The following INO80 variants were observed in gnomAD, a reference collection of about 807,000 sequenced individuals.
INO80 encodes the protein INO80 complex ATPase subunit, also known as chromatin-remodeling ATPase INO80.
Under a neutral mutation model 203.4 loss-of-function variants are expected in INO80, and 20 were observed. The observed-to-expected ratio is 0.10, with a 90% confidence interval of 0.07 to 0.14. The LOEUF (loss-of-function observed/expected upper bound fraction) is 0.14, where lower values mean the gene tolerates loss of function less well. Ranked by LOEUF, INO80 falls within the 10% of genes least tolerant of loss-of-function variation. The pLI is 1.00. For synonymous variants in INO80, 726 were observed against 685.2 expected (o/e 1.06, Z -0.93); for missense variants, 1,419 against 1,914.4 (o/e 0.74, Z 4.83).
chr15:41,075,233 A>G (rs1008789209), intron 9 of INO80, among the ~76,000 whole-genome samples: 6 of 151,908 alleles, frequency 3.9e-5, no homozygotes, highest in Admixed American at 3.9e-4. Context: ...ATGTCTATGT[A>G]GCTTTATTAT....
intron 33 of INO80, 128 bp downstream of exon 33, chr15:40,984,069 C>A: frequency 7.5e-7 from 1 of 1,328,844 alleles, no homozygotes; most frequent in Non-Finnish European, 1.0e-6. Flanking sequence ...TTACAGACCT[C>A]ATGTGCAACC....
intron 1 of INO80, among the ~76,000 whole-genome samples, chr15:41,111,770 T>C (rs1243626143): frequency 2.7e-5 from 4 of 150,720 alleles, no homozygotes; most frequent in African/African-American, 9.8e-5. Flanking sequence ...GCCACTGTAC[T>C]CCAGCCTGGG....
chr15:41,065,875 G>A lies in INO80; in HGVS notation c.1782+3695C>T, dbSNP rs76109590. ...GGCTACAGCACAAGGTGAATAGAAC[G>A]TGATTGCTTAGTGGGTAAAGGCCTT... On this transcript the variant is annotated intron_variant, in intron 14 of 35. Transcript: ENST00000648947. 2.2e-4 allele frequency among the ~76,000 whole-genome samples: 34 copies of A among 152,186 alleles called. No individual in the cohort carries two copies. In the East Asian group the frequency reaches 5.0e-3, roughly 22 times the overall value.
chr15:41,090,141 T>G (rs563832587), intron 5 of INO80, among the ~76,000 whole-genome samples: 4 of 152,268 alleles, frequency 2.6e-5, no homozygotes, highest in East Asian at 3.9e-4. Flanking sequence ...ATATTTGCAA[T>G]AAGAAGAAAT....
At chr15:40,986,971 G>A (rs964218066) in intron 31 of INO80, 120 bp downstream of exon 31, 1 of 568,762 alleles carries the variant, frequency 1.8e-6, no homozygotes, top group South Asian at 2.4e-5. Context: ...TATAAAATAT[G>A]AGCACAAAAA....
intron 27 of INO80, among the ~76,000 whole-genome samples, chr15:41,008,879 G>T (rs2044090854): frequency 6.6e-6 from 1 of 152,138 alleles, no homozygotes; most frequent in African/African-American, 2.4e-5. Context: ...TGTTGCCCAG[G>T]CTGGAGCGCA....
At chr15:41,091,293 C>T (rs2045637282) in intron 5 of INO80, among the ~76,000 whole-genome samples, 1 of 152,186 alleles carries the variant, frequency 6.6e-6, no homozygotes, top group African/African-American at 2.4e-5. Flanking sequence ...CTCCTGACCT[C>T]AACTGATCTG....
intron 14 of INO80, among the ~76,000 whole-genome samples, chr15:41,061,416 C>G (rs1355034079): frequency 7.0e-6 from 1 of 143,648 alleles, no homozygotes; most frequent in African/African-American, 2.7e-5. Context: ...ACCACCCTGG[C>G]CAACATGGTG....
At chr15:41,073,244 ACTAAT>A (rs759282241) in intron 11 of INO80, among the ~76,000 whole-genome samples, 179 bp downstream of exon 11, 22 of 152,116 alleles carry the variant, frequency 1.4e-4, no homozygotes, top group Admixed American at 9.2e-4. Flanking sequence ...TAGTATCCCT[ACTAAT>A]CTAAAGTGAA....
intron 4 of INO80, among the ~76,000 whole-genome samples, chr15:41,092,922 C>T (rs1257502603): frequency 6.6e-6 from 1 of 152,076 alleles, no homozygotes; most frequent in Non-Finnish European, 1.5e-5. Flanking sequence ...ATAGTCCCAG[C>T]TACTTGGGAG....
intron 25 of INO80, among the ~76,000 whole-genome samples, chr15:41,022,152 A>C (rs1229016271): frequency 1.3e-5 from 2 of 152,260 alleles, no homozygotes; most frequent in Non-Finnish European, 2.9e-5. Flanking sequence ...TTTTTGGATA[A>C]GAGATACTCA....
At chr15:41,065,837 T>C (rs944982077) in intron 14 of INO80, among the ~76,000 whole-genome samples, 15 of 152,256 alleles carry the variant, frequency 9.9e-5, no homozygotes, top group African/African-American at 3.6e-4. Flanking sequence ...CAGTCAAATT[T>C]GTGGTTGCCA....
rs1020884866 is a variant in INO80, at chr15:41,088,987, G to A, written c.538-1305C>T. On this transcript the variant is annotated intron_variant, in intron 5 of 35. Coordinates refer to ENST00000648947, the MANE Select transcript of INO80 (RefSeq NM_017553.3). ...GCAAATTATTTGAGGTCAGGAAGTC[G>A]AGACCAGCCTGGCCAACATGATGAA... 8.6e-5 allele frequency among the ~76,000 whole-genome samples: 13 copies of A among 152,004 alleles called. No homozygotes were observed. The East Asian group carries it at 1.9e-3, about 23-fold the overall frequency.
In INO80 at chr15:41,045,006, T is replaced by G. The variant is rs1464008851; in HGVS notation, c.2805A>C (p.Pro935=). The change falls in exon 24 of 36, where the codon CCA becomes CCC. Residue 935 remains proline (P), a synonymous_variant. Transcript: ENST00000648947. ...GGTATCTCTGGTGGCTCTCCCCTTC[T>G]GGCGCTCCCCAGGAGCGTAGCTGAT... ...RLHQLRSWGA[P]EGESHQRYLR... 1.2e-6 allele frequency: 2 copies of G among 1,613,844 alleles called. No homozygotes were observed. Among genetic ancestry groups the G allele is most frequent in the Non-Finnish European group, 1.7e-6 (2 of 1,179,906 alleles).
intron 26 of INO80, among the ~76,000 whole-genome samples, chr15:41,019,730 T>C (rs1207499304): frequency 6.6e-6 from 1 of 152,210 alleles, no homozygotes; most frequent in African/African-American, 2.4e-5. Flanking sequence ...TGTGTAATAC[T>C]GCCTTCAGAT....
At chr15:41,032,440 T>G (rs2044503320) in intron 24 of INO80, among the ~76,000 whole-genome samples, 1 of 152,124 alleles carries the variant, frequency 6.6e-6, no homozygotes, top group Admixed American at 6.5e-5. Context: ...TCCCAGAGCT[T>G]TCCATAAGGG....
Position 41,056,697 on chromosome 15 carries a change from C to G in INO80, c.1995G>C (p.Trp665Cys). ...GACACTGGAACTGTAAGAGGATCTT[C>G]CAACGAACACTGTTTGATAAAATAA... The part of the protein sequence containing the change: ...QALKSSSSVR[W>C]KILLQFQCRN... Residue 665 changes from tryptophan to cysteine, a missense_variant, in exon 17 of 36, where the codon TGG becomes TGC. Physicochemically the swap from Trp to Cys is radical, Grantham distance 215 (BLOSUM62 -2). Around this residue, in one of 9 missense-constraint regions of INO80, gnomAD observed 192 missense variants for 406.7 expected, o/e 0.47. Transcript: ENST00000648947. The G allele has an allele frequency of 6.2e-7, 1 of 1,613,550 alleles. No individual in the cohort carries two copies. Among genetic ancestry groups the G allele is most frequent in the Non-Finnish European group, 8.5e-7 (1 of 1,179,518 alleles).
At chr15:41,067,472 A>C (rs2045241279) in intron 14 of INO80, among the ~76,000 whole-genome samples, 1 of 152,218 alleles carries the variant, frequency 6.6e-6, no homozygotes, top group Non-Finnish European at 1.5e-5. Flanking sequence ...TCCACAAGAC[A>C]AACAATTTAA....
chr15:41,102,364 G>C (rs1465041768), intron 1 of INO80, among the ~76,000 whole-genome samples: 1 of 151,814 alleles, frequency 6.6e-6, no homozygotes, highest in East Asian at 1.9e-4. Context: ...TTTCATTTCA[G>C]GATTTTAAAA....
Sources: allele counts gnomAD v4.1 joint callset (sites outside exome capture counted in the v4.1 genomes callset), GRCh38; gene constraint gnomAD v4.1.1; regional missense constraint gnomAD v4.1.1; transcripts MANE v1.5; gene names NCBI Gene and HGNC (gene_info 2026-07-23, HGNC 2026-07-21).